The following EBF1 variants were observed in gnomAD, a reference collection of about 807,000 sequenced individuals.
EBF1 encodes transcription factor COE1.
A neutral mutation model predicts 68.4 loss-of-function variants in EBF1; 10 were observed. The ratio of observed to expected loss-of-function variants is 0.15; its 90% CI spans 0.09 to 0.25. The LOEUF is 0.25. Among genes scored for constraint, EBF1 ranks in the 10% least tolerant of loss-of-function variants. The pLI is 1.00. For missense variants in EBF1, 509 were observed against 794.4 expected (o/e 0.64, Z 4.32); for synonymous variants, 298 against 299.8 (o/e 0.99, Z 0.06).
chr5:158,711,351 G>C (rs1294570231), intron 14 of EBF1, among the ~76,000 whole-genome samples: 3 of 152,136 alleles, frequency 2.0e-5, no homozygotes, highest in Non-Finnish European at 4.4e-5. Flanking sequence ...TTGTTACTAT[G>C]TTATACCACC....
At chr5:158,769,853 T>C (rs1382896365) in intron 10 of EBF1, among the ~76,000 whole-genome samples, 1 of 152,134 alleles carries the variant, frequency 6.6e-6, no homozygotes, top group African/African-American at 2.4e-5. Context: ...ATTTAAGACA[T>C]GTGGACAGGA....
chr5:158,704,028 A>G (rs532630449), intron 15 of EBF1, among the ~76,000 whole-genome samples: 1 of 152,340 alleles, frequency 6.6e-6, no homozygotes, highest in African/African-American at 2.4e-5. Flanking sequence ...GTAATATAGC[A>G]TAGGGGCTTA....
chr5:158,863,366 A>G lies in EBF1; in HGVS notation c.555-23256T>C, dbSNP rs569525728. 2.6e-5 allele frequency among the ~76,000 whole-genome samples: 4 copies of G among 152,326 alleles called. No homozygotes were observed. In the South Asian group the frequency reaches 8.3e-4, roughly 32 times the overall value. On this transcript the variant is annotated intron_variant, in intron 6 of 15. Coordinates refer to ENST00000313708, the MANE Select transcript of EBF1 (RefSeq NM_024007.5). ...CAACGGCACACTCCTCCAGAACCAC[A>G]TCTGTCACATTGCTCTATGACTGCC...
chr5:159,047,384 C>CTAT (rs1235708708), intron 6 of EBF1, among the ~76,000 whole-genome samples: 2 of 152,066 alleles, frequency 1.3e-5, no homozygotes, highest in African/African-American at 2.4e-5. Flanking sequence ...ACTTTGGCTC[C>CTAT]TATAAGGAGA....
rs906800112 is a variant in EBF1, at chr5:158,844,321, C to A, written c.555-4211G>T. On this transcript the variant is annotated intron_variant, in intron 6 of 15. Coordinates refer to ENST00000313708, the MANE Select transcript of EBF1 (RefSeq NM_024007.5). ...TAATTATTCAGAGCACTTATATTCCCAATATCTCACTAAATCCTCACGGAA... is the reference window on the plus strand; with the variant it reads ...TAATTATTCAGAGCACTTATATTCCAAATATCTCACTAAATCCTCACGGAA... Among the ~76,000 whole-genome samples, 5 of 151,658 alleles carry A rather than the reference C, an allele frequency of 3.3e-5. No homozygotes were observed. The East Asian group carries it at 9.7e-4, about 29-fold the overall frequency.
chr5:159,051,654 C>T (rs921940396), intron 6 of EBF1, among the ~76,000 whole-genome samples: 1 of 151,706 alleles, frequency 6.6e-6, no homozygotes. Flanking sequence ...CAAGGAGCCC[C>T]GACTGTAAGA....
At chr5:159,069,639 T>G (rs756738375) in intron 6 of EBF1, among the ~76,000 whole-genome samples, 31 of 152,164 alleles carry the variant, frequency 2.0e-4, no homozygotes, top group Non-Finnish European at 3.1e-4. Context: ...ATAGAAAGAT[T>G]TTTTAATAGA....
At chr5:158,770,747 T>G (rs1260303630) in intron 10 of EBF1, among the ~76,000 whole-genome samples, 2 of 152,106 alleles carry the variant, frequency 1.3e-5, no homozygotes, top group African/African-American at 4.8e-5. Flanking sequence ...GTTAGCTCTT[T>G]GTCATCCTTC....
At chr5:158,843,872 T>C (rs1033456033) in intron 6 of EBF1, among the ~76,000 whole-genome samples, 1 of 152,182 alleles carries the variant, frequency 6.6e-6, no homozygotes, top group African/African-American at 2.4e-5. Context: ...GCTAAGTTTA[T>C]AAGGCCTTTG....
chr5:158,822,259 C>CGGATGGATGGATGGAT (rs1197459241), intron 8 of EBF1, among the ~76,000 whole-genome samples: 8 of 129,640 alleles, frequency 6.2e-5, no homozygotes, highest in South Asian at 2.3e-4. Context: ...CTTGGATGGA[C>CGGATGGATGGATGGAT]GGATGGACGG....
At chr5:159,077,282 T>A (rs902790285) in intron 5 of EBF1, among the ~76,000 whole-genome samples, 1 of 152,028 alleles carries the variant, frequency 6.6e-6, no homozygotes, top group Non-Finnish European at 1.5e-5. Context: ...TAAAAATTTT[T>A]AAAAAAATTA....
At chr5:158,719,021 TAC>T (rs1443932523) in intron 11 of EBF1, among the ~76,000 whole-genome samples, 1 of 152,166 alleles carries the variant, frequency 6.6e-6, no homozygotes, top group Non-Finnish European at 1.5e-5. Context: ...TATTCTAAGA[TAC>T]AGTTACTGAT....
intron 6 of EBF1, chr5:158,983,037 C>A (rs1561702388): frequency 6.6e-6 from 1 of 152,214 alleles, no homozygotes; most frequent in South Asian, 2.1e-4. Flanking sequence ...GGATATCCAT[C>A]TTGGGGGCTC....
chr5:158,970,091 T>A (rs1755307385), intron 6 of EBF1, among the ~76,000 whole-genome samples: 1 of 152,126 alleles, frequency 6.6e-6, no homozygotes, highest in African/African-American at 2.4e-5. Flanking sequence ...ACACTGAGAC[T>A]TTTTTTGCTC....
Position 158,823,315 on chromosome 5 carries a change from G to C in EBF1, c.639C>G (p.Val213=). Residue 213 remains valine (V), a splice_region_variant and synonymous_variant, in exon 8 of 16, where the codon GTC becomes GTG. Transcript: ENST00000313708. ...CCACATTGACTGTCGTAGACACCAC[G>C]ACCTGGAGACATAAGAAAGAAATGA... The part of the protein sequence containing the change: ...GNPRDMRRFQ[V]VVSTTVNVDG... 2 of 1,603,990 alleles carry C rather than the reference G, an allele frequency of 1.2e-6. No homozygotes were observed. Among genetic ancestry groups the C allele is most frequent in the South Asian group, 2.2e-5 (2 of 89,044 alleles).
At chr5:158,730,637 C>T (rs6556364) in intron 11 of EBF1, among the ~76,000 whole-genome samples, 134,199 of 152,308 alleles carry the variant, frequency 0.88, 59,423 homozygotes, top group East Asian at 0.99. Flanking sequence ...TACGGATCCT[C>T]GTAGACAGAA....
rs144100233 is a variant in EBF1 at position 158,704,391 on chromosome 5, G to A, written c.1744+3588C>T. Among the ~76,000 whole-genome samples, 107 of 152,300 alleles carry A rather than the reference G, an allele frequency of 7.0e-4. 1 individual carries two copies. The East Asian group carries it at 0.02, about 29-fold the overall frequency. Reference sequence around the variant, plus strand: ...ACAGTTAACAGAGTGGTAGTTGGAGGTAAATAGGCCTTGAAAACACTTAAA... The same window carrying A: ...ACAGTTAACAGAGTGGTAGTTGGAGATAAATAGGCCTTGAAAACACTTAAA... On this transcript the variant is annotated intron_variant, in intron 15 of 15. Coordinates refer to ENST00000313708, the MANE Select transcript of EBF1 (RefSeq NM_024007.5).
At chr5:158,801,155 C>A (rs981791649) in intron 8 of EBF1, among the ~76,000 whole-genome samples, 1 of 151,828 alleles carries the variant, frequency 6.6e-6, no homozygotes, top group Non-Finnish European at 1.5e-5. Context: ...AACATGATTA[C>A]CCTACCACAG....
intron 10 of EBF1, among the ~76,000 whole-genome samples, chr5:158,739,230 G>A (rs192309982): frequency 2.0e-5 from 3 of 152,204 alleles, no homozygotes; most frequent in African/African-American, 4.8e-5. Context: ...CAGAAGTGGA[G>A]CATCTCTTCA....
Sources: gnomAD v4.1 joint callset for allele counts (sites outside exome capture counted in the v4.1 genomes callset) on GRCh38, gnomAD v4.1.1 for gene constraint, MANE v1.5 for transcripts, NCBI Gene and HGNC (gene_info 2026-07-23, HGNC 2026-07-21) for gene names.